ATG7: variants seen among roughly 807,000 people sequenced by gnomAD.
The protein encoded by ATG7 is ubiquitin-like modifier-activating enzyme ATG7.
Under a neutral mutation model 82.4 loss-of-function variants are expected in ATG7, and 70 were observed. The ratio of observed to expected loss-of-function variants is 0.85; its 90% CI spans 0.70 to 1.04. The LOEUF is 1.04. ATG7 is among the 50% of genes least tolerant of loss of function. The pLI is 0.00. For missense variants in ATG7, 792 were observed against 864.3 expected (o/e 0.92, Z 1.05); for synonymous variants, 287 against 313.0 (o/e 0.92, Z 0.88).
chr3:11,557,642 AAAAT>A lies in ATG7; in HGVS notation c.*2803_*2806del, dbSNP rs1173888264. On this transcript the variant is annotated 3_prime_UTR_variant, in exon 21 of 21. Coordinates refer to ENST00000693202, the MANE Select transcript of ATG7 (RefSeq NM_001349232.2). Reference sequence around the variant, plus strand: ...AGTATATCTAGGACTGTAACTGACAAAAATAAACTAATTCTGAAAAGAAGATAGT... The same window carrying A: ...AGTATATCTAGGACTGTAACTGACAAAAACTAATTCTGAAAAGAAGATAGT... The A allele has an allele frequency of 1.3e-5, 2 of 152,782 alleles. No individual in the cohort carries two copies. The highest frequency in any genetic ancestry group is 2.4e-5 in the African/African-American group (1 of 41,470). 9.5% of individuals were successfully genotyped at this position (152,782 alleles called of 1,614,324 possible).
intron 20 of ATG7, among the ~76,000 whole-genome samples, chr3:11,455,856 A>G (rs566580403): frequency 6.6e-6 from 1 of 152,326 alleles, no homozygotes; most frequent in East Asian, 1.9e-4. Context: ...ATTACTTCTC[A>G]AAACTTACCT....
intron 19 of ATG7, among the ~76,000 whole-genome samples, chr3:11,387,089 T>A (rs569359646): frequency 2.6e-5 from 4 of 152,346 alleles, no homozygotes; most frequent in Admixed American, 6.5e-5. Flanking sequence ...GGGACTGGTG[T>A]TGACATCAGA....
intron 20 of ATG7, chr3:11,477,434 C>A: frequency 1.8e-6 from 1 of 548,214 alleles, no homozygotes; most frequent in Non-Finnish European, 2.4e-6. Context: ...TAAACACAAG[C>A]ATCAGCATGT....
intron 1 of ATG7, among the ~76,000 whole-genome samples, chr3:11,277,891 A>ACCCACC (rs1942176277): frequency 1.6e-5 from 1 of 60,770 alleles, no homozygotes; most frequent in Non-Finnish European, 2.9e-5. Flanking sequence ...CCCTTTATAG[A>ACCCACC]CCCCCCCCCC....
chr3:11,482,440 C>T (rs570316370), intron 20 of ATG7, among the ~76,000 whole-genome samples: 3 of 152,270 alleles, frequency 2.0e-5, no homozygotes, highest in South Asian at 2.1e-4. Flanking sequence ...TTATTACTAC[C>T]GTATCTTTTT....
rs970802619 is a variant in ATG7, at chr3:11,332,894, A to G, written c.768-78A>G. On this transcript the variant is annotated intron_variant, in intron 10 of 20. Transcript: ENST00000693202. ...TGAATTCTCTCCAACTGGTTTGCTGAAGCTCTTATGTGAGCTTTTTCTTTT... is the reference window on the plus strand; with the variant it reads ...TGAATTCTCTCCAACTGGTTTGCTGGAGCTCTTATGTGAGCTTTTTCTTTT... The G allele has an allele frequency of 2.3e-6, 3 of 1,324,046 alleles. No individual in the cohort carries two copies. The African/African-American group carries it at 4.6e-5, about 20-fold the overall frequency. The allele number at this position is 1,324,046 out of a possible 1,614,324, so 82.0% of individuals were successfully genotyped here.
At chr3:11,569,336 T>C in the ATG7 span, among the ~76,000 whole-genome samples, 7 of 152,144 alleles carry the variant, frequency 4.6e-5, no homozygotes, top group Non-Finnish European at 8.8e-5. Flanking sequence ...ATTTTGAGGA[T>C]ACATTCTGGG....
At chr3:11,334,586 T>C (rs1204332293) in intron 11 of ATG7, among the ~76,000 whole-genome samples, 1 of 151,816 alleles carries the variant, frequency 6.6e-6, no homozygotes, top group Non-Finnish European at 1.5e-5. Flanking sequence ...ATCCTCATGG[T>C]TCCAAGGCAC....
chr3:11,459,168 C>A, intron 20 of ATG7, among the ~76,000 whole-genome samples: 1 of 65,396 alleles, frequency 1.5e-5, no homozygotes. Flanking sequence ...GAGGGGGAGT[C>A]ACTTTAAAAA....
At chr3:11,375,842 C>T (rs2077379997) in intron 18 of ATG7, among the ~76,000 whole-genome samples, 1 of 152,194 alleles carries the variant, frequency 6.6e-6, no homozygotes, top group African/African-American at 2.4e-5. Context: ...CAGGCGTGAG[C>T]CACTGCGCCT....
intron 10 of ATG7, among the ~76,000 whole-genome samples, chr3:11,332,001 T>C (rs1424500657): frequency 6.6e-6 from 1 of 152,216 alleles, no homozygotes; most frequent in African/African-American, 2.4e-5. Flanking sequence ...ATTAAAAATA[T>C]CTATGGCTCA....
intron 3 of ATG7, among the ~76,000 whole-genome samples, chr3:11,286,094 C>A (rs1383152478): frequency 2.0e-5 from 3 of 152,186 alleles, no homozygotes; most frequent in African/African-American, 7.2e-5. Context: ...GTATTTTCAT[C>A]CAAACACCAC....
chr3:11,273,530 A>G (rs1430789733), intron 1 of ATG7, among the ~76,000 whole-genome samples: 3 of 152,216 alleles, frequency 2.0e-5, no homozygotes, highest in Non-Finnish European at 4.4e-5. Context: ...TAGGCTAAGC[A>G]TATTTAATGT....
intron 14 of ATG7, among the ~76,000 whole-genome samples, chr3:11,355,448 C>T (rs1379337532): frequency 2.0e-5 from 3 of 152,170 alleles, no homozygotes; most frequent in Non-Finnish European, 4.4e-5. Context: ...GAAAAACTAG[C>T]CAAACTGAGA....
rs141129427 is a variant in ATG7 at position 11,408,598 on chromosome 3, G to T, written c.1957-18206G>T. ...TTTATTGGACTTACAGTTCCACATGGTTGGGGAGGCCTTACAATCCTGGTG... is the reference window on the plus strand; with the variant it reads ...TTTATTGGACTTACAGTTCCACATGTTTGGGGAGGCCTTACAATCCTGGTG... On this transcript the variant is annotated intron_variant, in intron 19 of 20. Transcript: ENST00000693202. Among the ~76,000 whole-genome samples the T allele has an allele frequency of 4.5e-4, 68 of 152,314 alleles. No homozygotes were observed. In the East Asian group the frequency reaches 8.9e-3, roughly 20 times the overall value.
intron 13 of ATG7, among the ~76,000 whole-genome samples, chr3:11,343,129 ATGT>A (rs1200330280): frequency 1.3e-5 from 2 of 152,054 alleles, no homozygotes; most frequent in Non-Finnish European, 2.9e-5. Flanking sequence ...GGGTTTCATC[ATGT>A]TGTCCAGGCT....
rs533076630 is a variant in ATG7, at chr3:11,513,475, C to T, written c.2080-41336C>T. Among the ~76,000 whole-genome samples, 32 of 152,342 alleles carry T rather than the reference C, an allele frequency of 2.1e-4. 1 individual carries two copies. Among genetic ancestry groups the T allele is most frequent in the South Asian group, 2.1e-3 (10 of 4,830 alleles). ...GGGGACCCAGCGCACCCTCTGCAGC[C>T]GCTGGCCTGGGTGCTAAGCCCCTCA... On this transcript the variant is annotated intron_variant, in intron 20 of 20. Transcript: ENST00000693202.
At chr3:11,460,228 T>C (rs1049703753) in intron 20 of ATG7, among the ~76,000 whole-genome samples, 4 of 152,262 alleles carry the variant, frequency 2.6e-5, no homozygotes, top group Admixed American at 6.5e-5. Flanking sequence ...AGGCTCTATC[T>C]GAACCTCCTT....
chr3:11,383,573 C>A (rs1295784250), intron 19 of ATG7, among the ~76,000 whole-genome samples: 3 of 152,152 alleles, frequency 2.0e-5, no homozygotes, highest in Admixed American at 2.0e-4. Flanking sequence ...CTCAGCCCCA[C>A]AAATAGCTGG....
Sources: gnomAD v4.1 joint callset for allele counts (sites outside exome capture counted in the v4.1 genomes callset) on GRCh38, gnomAD v4.1.1 for gene constraint, MANE v1.5 for transcripts, NCBI Gene and HGNC (gene_info 2026-07-23, HGNC 2026-07-21) for gene names.